The following TCF12 variants were observed in gnomAD, a reference collection of about 807,000 sequenced individuals.
TCF12 encodes transcription factor 12.
TCF12 carries 45 observed loss-of-function variants against 86.0 expected under a neutral mutation model. The observed-to-expected ratio is 0.52, with a 90% CI of 0.41 to 0.67. The LOEUF is 0.67. TCF12 is among the 30% of genes least tolerant of loss of function. TCF12 has a pLI of 0.00. For synonymous variants in TCF12, 330 were observed against 299.6 expected (o/e 1.10, Z -1.05); for missense variants, 881 against 859.9 (o/e 1.02, Z -0.31).
At chr15:57,226,228 GT>G (rs1304943885) in intron 8 of TCF12, among the ~76,000 whole-genome samples, 3 of 148,342 alleles carry the variant, frequency 2.0e-5, no homozygotes, top group African/African-American at 5.0e-5. Context: ...TTTTCTCAAG[GT>G]TTTAGGTACT....
At chr15:57,268,579 C>G (rs4238321) in intron 18 of TCF12, among the ~76,000 whole-genome samples, 58,404 of 151,936 alleles carry the variant, frequency 0.38, 14,076 homozygotes, top group Non-Finnish European at 0.53. Flanking sequence ...TATTAGAATA[C>G]TCAGGGTATT....
intron 6 of TCF12, among the ~76,000 whole-genome samples, chr15:57,190,603 G>A (rs768372047): frequency 3.9e-5 from 6 of 152,034 alleles, no homozygotes; most frequent in Non-Finnish European, 8.8e-5. Flanking sequence ...AAGTCTCTGT[G>A]ATCCTATTTC....
rs532324408 is a variant in TCF12, at chr15:56,930,374, T to C, written c.148+9276T>C. The stretch of plus-strand genomic sequence containing the variant: ...AAATCTGAGCTTATATGGGCACTTG[T>C]GCCAAGGGTAAGAATCTTTGAGTTC... On this transcript the variant is annotated intron_variant, in intron 3 of 20. Transcript: ENST00000333725. Among the ~76,000 whole-genome samples, 6 of 152,352 alleles carry C rather than the reference T, an allele frequency of 3.9e-5. No homozygotes were observed. In the South Asian group the frequency reaches 1.2e-3, roughly 32 times the overall value.
intron 4 of TCF12, among the ~76,000 whole-genome samples, chr15:57,070,485 AT>A: frequency 6.6e-6 from 1 of 152,224 alleles, no homozygotes; most frequent in Non-Finnish European, 1.5e-5. Context: ...ACAAAAATAA[AT>A]AAAAACTCAG....
intron 3 of TCF12, among the ~76,000 whole-genome samples, chr15:56,968,497 C>T (rs2062122302): frequency 6.6e-6 from 1 of 151,970 alleles, no homozygotes. Flanking sequence ...GCTGAAACTA[C>T]AGGTGCATGC....
chr15:57,272,967 C>A, intron 18 of TCF12, 63 bp from the exon 19 acceptor site: 1 of 1,449,566 alleles, frequency 6.9e-7, no homozygotes, highest in Non-Finnish European at 9.5e-7. Context: ...TATAATTGTG[C>A]ACAATCAGCA....
intron 4 of TCF12, among the ~76,000 whole-genome samples, chr15:57,077,323 ATATATGTGTGTGTGTGTGTGTG>A (rs1250940113): frequency 7.3e-4 from 26 of 35,694 alleles, no homozygotes; most frequent in Middle Eastern, 0.011. Context: ...ATATATGTAT[ATATATGTGTGTGTGTGTGTGTG>A]TGTGTGTGTG....
At chr15:57,151,377 A>G (rs2053746738) in intron 5 of TCF12, among the ~76,000 whole-genome samples, 1 of 152,100 alleles carries the variant, frequency 6.6e-6, no homozygotes, top group Admixed American at 6.6e-5. Context: ...TCAGAAGAAA[A>G]AAAATCAGTG....
In TCF12 at chr15:57,127,163, A is replaced by G. The variant is rs868459013; in HGVS notation, c.325+35272A>G. On this transcript the variant is annotated intron_variant, in intron 5 of 20. Coordinates refer to ENST00000333725, the MANE Select transcript of TCF12 (RefSeq NM_207037.2). ...ACACCTGGCTAATTTTTGTATGTTTAGTAGAGACAGGGTTTCACCACGTTG... is the reference window on the plus strand; with the variant it reads ...ACACCTGGCTAATTTTTGTATGTTTGGTAGAGACAGGGTTTCACCACGTTG... Among the ~76,000 whole-genome samples the G allele has an allele frequency of 2.1e-4, 32 of 151,912 alleles. No individual in the cohort carries two copies. The Middle Eastern group carries it at 0.01, about 49-fold the overall frequency.
Position 57,053,456 on chromosome 15 carries a change from G to A in TCF12, c.149-10294G>A, listed in dbSNP as rs76141325. On this transcript the variant is annotated intron_variant, in intron 3 of 20. Coordinates refer to ENST00000333725, the MANE Select transcript of TCF12 (RefSeq NM_207037.2). ...TCTGTTGTTGACTTTGTTTTGAGTA[G>A]CTTTTTAGATTAATGTAGTCCCACT... Among the ~76,000 whole-genome samples, 91 of 152,190 alleles carry A rather than the reference G, an allele frequency of 6.0e-4. 5 individuals carry two copies. The East Asian group carries it at 0.017, about 29-fold the overall frequency.
chr15:56,960,920 A>T (rs1212142467), intron 3 of TCF12, among the ~76,000 whole-genome samples: 2 of 151,318 alleles, frequency 1.3e-5, no homozygotes, highest in African/African-American at 2.4e-5. Context: ...TGGGTGGATC[A>T]CCTGAGGTCA....
At chr15:57,050,695 T>C (rs2067552249) in intron 3 of TCF12, among the ~76,000 whole-genome samples, 2 of 152,204 alleles carry the variant, frequency 1.3e-5, no homozygotes, top group African/African-American at 4.8e-5. Context: ...TAGCTGAAAC[T>C]ATTAATTTTT....
At chr15:56,918,439 G>A (rs906105272), upstream of TCF12, 1 of 352,650 alleles carries the variant, frequency 2.8e-6, no homozygotes, top group Non-Finnish European at 5.6e-6. Flanking sequence ...GTGCCTGCGA[G>A]CGCCTCATGC....
chr15:57,218,409 G>A (rs1200966132), intron 8 of TCF12, among the ~76,000 whole-genome samples: 3 of 152,170 alleles, frequency 2.0e-5, no homozygotes, highest in Admixed American at 1.3e-4. Flanking sequence ...ATAGCAAAAC[G>A]TGTCTGTGTA....
chr15:57,117,596 G>C (rs982950835), intron 5 of TCF12, among the ~76,000 whole-genome samples: 40 of 152,106 alleles, frequency 2.6e-4, no homozygotes, highest in African/African-American at 9.7e-4. Flanking sequence ...TATAAATGCG[G>C]ATAGTAATTA....
intron 3 of TCF12, among the ~76,000 whole-genome samples, chr15:56,996,696 G>A (rs1164294727): frequency 6.6e-6 from 1 of 152,144 alleles, no homozygotes; most frequent in African/African-American, 2.4e-5. Flanking sequence ...GGAGTAAACA[G>A]ACAACCTACA....
chr15:57,024,216 C>CT (rs59793819), intron 3 of TCF12, among the ~76,000 whole-genome samples: 16,669 of 110,506 alleles, frequency 0.15, 1,895 homozygotes, highest in Non-Finnish European at 0.22. Flanking sequence ...AAAAAAGTGT[C>CT]TTTTTTTTTT....
chr15:57,059,747 G>C (rs2068312858), intron 3 of TCF12, among the ~76,000 whole-genome samples: 1 of 144,234 alleles, frequency 6.9e-6, no homozygotes, highest in Non-Finnish European at 1.5e-5. Context: ...GGGCTGGGGG[G>C]AGGGTGGAGG....
intron 3 of TCF12, among the ~76,000 whole-genome samples, chr15:57,020,950 GAGAT>G (rs1343182994): frequency 2.0e-5 from 3 of 152,122 alleles, no homozygotes; most frequent in Non-Finnish European, 4.4e-5. Context: ...TTTATTATAT[GAGAT>G]AGATGAAGAG....
Sources: allele counts gnomAD v4.1 joint callset (sites outside exome capture counted in the v4.1 genomes callset), GRCh38; gene constraint gnomAD v4.1.1; transcripts MANE v1.5; gene names NCBI Gene and HGNC (gene_info 2026-07-23, HGNC 2026-07-21).